Variants in ATP8A2 observed in about 807,000 individuals in gnomAD.
The protein encoded by ATP8A2 is phospholipid-transporting ATPase IB.
In ATP8A2, 100 loss-of-function variants were observed where a neutral mutation model predicts 165.6. The ratio of observed to expected loss-of-function variants is 0.60; its 90% confidence interval spans 0.51 to 0.71. ATP8A2 has a LOEUF of 0.71. Among genes scored for constraint, ATP8A2 ranks in the 30% least tolerant of loss-of-function variants. The probability of loss-of-function intolerance (pLI) is 0.00; values close to 1 mark genes in which losing one functional copy is unlikely to be tolerated. For missense variants in ATP8A2, 1,227 were observed against 1,479.5 expected, an observed-to-expected ratio of 0.83 and a Z score of 2.80; for synonymous variants, 543 against 548.8, an observed-to-expected ratio of 0.99 and a Z score of 0.15.
chr13:25,945,673 G>A (rs1955191602), intron 33 of ATP8A2, among the ~76,000 whole-genome samples: 1 of 152,204 alleles, frequency 6.6e-6, no homozygotes, highest in Non-Finnish European at 1.5e-5. Flanking sequence ...GCAACAAGCT[G>A]CTGCTAAATT....
intron 23 of ATP8A2, among the ~76,000 whole-genome samples, chr13:25,584,610 T>A (rs1371310747): frequency 1.3e-5 from 2 of 152,178 alleles, no homozygotes; most frequent in Non-Finnish European, 2.9e-5. Context: ...TTCTTATAGC[T>A]CGAGGAGGAA....
chr13:25,467,098 A>G (rs2035689215), intron 1 of ATP8A2, among the ~76,000 whole-genome samples: 1 of 152,242 alleles, frequency 6.6e-6, no homozygotes, highest in Non-Finnish European at 1.5e-5. Flanking sequence ...CTTGTTGATG[A>G]GTAGACGACC....
intron 26 of ATP8A2, among the ~76,000 whole-genome samples, chr13:25,774,473 G>A (rs1593326053): frequency 6.6e-6 from 1 of 152,282 alleles, no homozygotes; most frequent in African/African-American, 2.4e-5. Flanking sequence ...AAACCTAGGT[G>A]ACGGGTTGAT....
chr13:25,455,142 C>G (rs938008675), intron 1 of ATP8A2, among the ~76,000 whole-genome samples: 1 of 152,294 alleles, frequency 6.6e-6, no homozygotes, highest in East Asian at 1.9e-4. Flanking sequence ...GCTTCTCCCC[C>G]TCACTGTGCC....
chr13:25,795,579 A>G (rs1593359210), intron 27 of ATP8A2, among the ~76,000 whole-genome samples: 1 of 152,194 alleles, frequency 6.6e-6, no homozygotes, highest in African/African-American at 2.4e-5. Flanking sequence ...TTGCTATTTC[A>G]TGTGTCAAGC....
At chr13:25,785,520 A>C (rs1037281030) in intron 27 of ATP8A2, among the ~76,000 whole-genome samples, 4 of 151,738 alleles carry the variant, frequency 2.6e-5, no homozygotes, top group African/African-American at 9.7e-5. Context: ...TTTTCTTTTC[A>C]TTTTAGTTTG....
At chr13:25,485,543 G>C (rs1372736030) in intron 2 of ATP8A2, among the ~76,000 whole-genome samples, 1 of 152,204 alleles carries the variant, frequency 6.6e-6, no homozygotes, top group African/African-American at 2.4e-5. Flanking sequence ...CTTCCTGGGG[G>C]ACACACCATT....
intron 24 of ATP8A2, among the ~76,000 whole-genome samples, chr13:25,646,799 A>T (rs1474149321): frequency 6.6e-6 from 1 of 151,702 alleles, no homozygotes; most frequent in East Asian, 2.0e-4. Context: ...TTGTTTTAAG[A>T]TACTTTGTTC....
chr13:25,482,695 A>T (rs1039034747), intron 2 of ATP8A2, among the ~76,000 whole-genome samples: 5 of 152,230 alleles, frequency 3.3e-5, no homozygotes, highest in African/African-American at 1.2e-4. Context: ...TGATTGAATC[A>T]TGGGGGCGGT....
chr13:25,655,629 A>T (rs536951177), intron 24 of ATP8A2, among the ~76,000 whole-genome samples: 1 of 152,074 alleles, frequency 6.6e-6, no homozygotes, highest in Non-Finnish European at 1.5e-5. Context: ...TCGAGCAGCT[A>T]TCTGATGCCT....
chr13:25,921,555 G>A (rs866637844), intron 33 of ATP8A2, among the ~76,000 whole-genome samples: 35 of 150,948 alleles, frequency 2.3e-4, no homozygotes, highest in Admixed American at 4.6e-4. Flanking sequence ...CCTGGGAGGC[G>A]GAGGTTGCAG....
intron 6 of ATP8A2, 47 bp downstream of exon 6, chr13:25,533,360 G>A (rs778449404): frequency 2.7e-5 from 29 of 1,079,526 alleles, no homozygotes; most frequent in African/African-American, 4.7e-5. Context: ...GTTTGAAGAC[G>A]CGTAATGAAT....
intron 25 of ATP8A2, among the ~76,000 whole-genome samples, chr13:25,752,923 G>C (rs1281604448): frequency 6.6e-6 from 1 of 152,092 alleles, no homozygotes; most frequent in Non-Finnish European, 1.5e-5. Context: ...CCACCCTCTA[G>C]CGTGTCTTTG....
At chr13:25,883,202 T>G (rs1020608446) in intron 33 of ATP8A2, among the ~76,000 whole-genome samples, 9 of 151,948 alleles carry the variant, frequency 5.9e-5, no homozygotes, top group Non-Finnish European at 1.2e-4. Context: ...TAGCTCTCCC[T>G]CTCCAGTGTG....
At chr13:25,386,915 G>C (rs375668406) in intron 1 of ATP8A2, among the ~76,000 whole-genome samples, 3 of 148,294 alleles carry the variant, frequency 2.0e-5, no homozygotes, top group Non-Finnish European at 4.5e-5. Context: ...GAGAATGGCG[G>C]GAACCCGGGA....
intron 26 of ATP8A2, 135 bp from the exon 27 acceptor site, chr13:25,774,714 T>A (rs977273146): frequency 1.8e-6 from 1 of 562,552 alleles, no homozygotes; most frequent in African/African-American, 1.9e-5. Context: ...CTTCAGAGAA[T>A]GGTTTTCTGA....
intron 24 of ATP8A2, among the ~76,000 whole-genome samples, chr13:25,642,500 C>T (rs574085927): frequency 3.9e-5 from 6 of 152,176 alleles, no homozygotes; most frequent in Non-Finnish European, 8.8e-5. Flanking sequence ...AAAAAATGCT[C>T]ATAATCACTG....
intron 35 of ATP8A2, among the ~76,000 whole-genome samples, chr13:25,983,636 T>C (rs1475231007): frequency 6.6e-6 from 1 of 152,204 alleles, no homozygotes; most frequent in African/African-American, 2.4e-5. Flanking sequence ...CTGAGAACTT[T>C]CCAGGCATGG....
chr13:25,681,280 A>G (rs2042482350), intron 24 of ATP8A2, among the ~76,000 whole-genome samples: 1 of 152,168 alleles, frequency 6.6e-6, no homozygotes, highest in Non-Finnish European at 1.5e-5. Flanking sequence ...ATGAAAATGA[A>G]TGTTTTTAAT....
Sources: allele counts gnomAD v4.1 joint callset (sites outside exome capture counted in the v4.1 genomes callset), GRCh38; gene constraint gnomAD v4.1.1; transcripts MANE v1.5; gene names NCBI Gene and HGNC (gene_info 2026-07-23, HGNC 2026-07-21).